The following FAF1 variants were observed in gnomAD, a reference collection of about 807,000 sequenced individuals.
The protein encoded by FAF1 is Fas associated factor 1.
A neutral mutation model predicts 92.5 loss-of-function variants in FAF1; 25 were observed. The ratio of observed to expected loss-of-function variants is 0.27; its 90% CI spans 0.20 to 0.38. FAF1 has a LOEUF of 0.38. FAF1 is among the 10% of genes least tolerant of loss of function. The pLI is 1.00. For synonymous variants in FAF1, 234 were observed against 273.2 expected (o/e 0.86, Z 1.42); for missense variants, 636 against 793.3 (o/e 0.80, Z 2.38).
intron 7 of FAF1, among the ~76,000 whole-genome samples, chr1:50,700,809 T>A (rs1487739683): frequency 1.3e-5 from 2 of 152,078 alleles, no homozygotes; most frequent in Non-Finnish European, 2.9e-5. Flanking sequence ...AATACTTATA[T>A]GGGCCAAAAA....
chr1:50,465,381 G>A (rs991816376), intron 18 of FAF1, among the ~76,000 whole-genome samples: 8 of 152,108 alleles, frequency 5.3e-5, no homozygotes, highest in Non-Finnish European at 1.0e-4. Context: ...CATATAATGG[G>A]AACATACAAG....
chr1:50,790,135 C>T (rs180695197), intron 3 of FAF1, among the ~76,000 whole-genome samples: 4 of 152,064 alleles, frequency 2.6e-5, no homozygotes, highest in African/African-American at 9.6e-5. Context: ...GAATAAAGCT[C>T]TTATTTGTAT....
chr1:50,642,938 T>C (rs1654412195), intron 8 of FAF1, among the ~76,000 whole-genome samples: 1 of 152,044 alleles, frequency 6.6e-6, no homozygotes, highest in Non-Finnish European at 1.5e-5. Context: ...CCTCCCAGGT[T>C]CAAGCGATTT....
intron 7 of FAF1, among the ~76,000 whole-genome samples, chr1:50,671,532 C>T (rs1264381808): frequency 1.3e-5 from 2 of 152,122 alleles, no homozygotes; most frequent in Non-Finnish European, 2.9e-5. Flanking sequence ...TTAGATGTTA[C>T]TGTAATAGAT....
chr1:50,493,016 G>C (rs537135404), intron 15 of FAF1, among the ~76,000 whole-genome samples: 1 of 150,606 alleles, frequency 6.6e-6, no homozygotes, highest in Non-Finnish European at 1.5e-5. Context: ...TTCAGTCATC[G>C]ATTAAAGGAT....
chr1:50,564,185 T>A (rs970494689), intron 13 of FAF1, among the ~76,000 whole-genome samples: 2 of 152,062 alleles, frequency 1.3e-5, no homozygotes, highest in Non-Finnish European at 2.9e-5. Context: ...TTGGCAAGTC[T>A]CTTCCCATAT....
intron 8 of FAF1, among the ~76,000 whole-genome samples, chr1:50,637,677 AT>A (rs1654106205): frequency 1.0e-5 from 1 of 95,330 alleles, no homozygotes; most frequent in African/African-American, 4.3e-5. Flanking sequence ...TCACACATAT[AT>A]ATATGTGTGT....
chr1:50,651,124 T>C (rs144672389), intron 8 of FAF1, among the ~76,000 whole-genome samples: 26 of 152,328 alleles, frequency 1.7e-4, no homozygotes, highest in African/African-American at 5.3e-4. Flanking sequence ...TATAAAAGAA[T>C]TGATTACAAG....
intron 1 of FAF1, among the ~76,000 whole-genome samples, chr1:50,926,656 ATTC>A (rs1411017143): frequency 6.6e-6 from 1 of 152,228 alleles, no homozygotes; most frequent in East Asian, 1.9e-4. Context: ...CACATTGCAT[ATTC>A]TTATGAAAAC....
intron 2 of FAF1, among the ~76,000 whole-genome samples, chr1:50,831,589 GA>G (rs893232611): frequency 6.6e-6 from 1 of 152,172 alleles, no homozygotes; most frequent in Non-Finnish European, 1.5e-5. Context: ...ATGATCAAGA[GA>G]AAACAAGACC....
At chr1:50,764,062 T>C (rs1557516358) in intron 4 of FAF1, among the ~76,000 whole-genome samples, 1 of 152,196 alleles carries the variant, frequency 6.6e-6, no homozygotes, top group Non-Finnish European at 1.5e-5. Context: ...TGGACAGATA[T>C]TGAAGAGTTT....
At chr1:50,812,136 A>G (rs1039148737) in intron 2 of FAF1, among the ~76,000 whole-genome samples, 1 of 152,182 alleles carries the variant, frequency 6.6e-6, no homozygotes, top group African/African-American at 2.4e-5. Context: ...TTCTGGACCT[A>G]AGTCCTGGCA....
At chr1:50,754,125 G>A (rs974788555) in intron 4 of FAF1, among the ~76,000 whole-genome samples, 2 of 152,008 alleles carry the variant, frequency 1.3e-5, no homozygotes, top group Non-Finnish European at 2.9e-5. Flanking sequence ...TCCTCATTAT[G>A]GGCCAGGTTT....
At chr1:50,834,091 A>G (rs1644179122) in intron 2 of FAF1, among the ~76,000 whole-genome samples, 1 of 152,172 alleles carries the variant, frequency 6.6e-6, no homozygotes, top group East Asian at 1.9e-4. Flanking sequence ...TTCTCATGAT[A>G]GTGAGTTCTC....
At chr1:50,616,719 T>C (rs1176750119) in intron 8 of FAF1, among the ~76,000 whole-genome samples, 1 of 151,762 alleles carries the variant, frequency 6.6e-6, no homozygotes, top group Non-Finnish European at 1.5e-5. Flanking sequence ...CTCACTCTGT[T>C]GCCCAGGTTA....
chr1:50,615,782 A>G (rs1652888471), intron 8 of FAF1, among the ~76,000 whole-genome samples: 2 of 152,010 alleles, frequency 1.3e-5, no homozygotes, highest in African/African-American at 4.8e-5. Flanking sequence ...TAGAGTTTGA[A>G]AGTATTTTCT....
At chr1:50,695,058 C>T (rs1285910626) in intron 7 of FAF1, among the ~76,000 whole-genome samples, 1 of 152,114 alleles carries the variant, frequency 6.6e-6, no homozygotes, top group East Asian at 1.9e-4. Flanking sequence ...ACAAAATTTT[C>T]TATTCATCTG....
chr1:50,624,101 C>T (rs997950051), intron 8 of FAF1, among the ~76,000 whole-genome samples: 5 of 152,268 alleles, frequency 3.3e-5, no homozygotes, highest in South Asian at 2.1e-4. Flanking sequence ...CACGTAGTTC[C>T]GTGGCAGGCA....
chr1:50,442,088 TA>T (rs1052182663), intron 18 of FAF1, among the ~76,000 whole-genome samples: 32 of 151,878 alleles, frequency 2.1e-4, no homozygotes, highest in East Asian at 3.9e-4. Context: ...TTTTAAAAAT[TA>T]AAAAAAATCA....
Sources: gnomAD v4.1 joint callset for allele counts (sites outside exome capture counted in the v4.1 genomes callset) on GRCh38, gnomAD v4.1.1 for gene constraint, MANE v1.5 for transcripts, NCBI Gene and HGNC (gene_info 2026-07-23, HGNC 2026-07-21) for gene names.